TMEM196: variants seen among roughly 807,000 people sequenced by gnomAD.
The protein encoded by TMEM196 is transmembrane protein 196.
A neutral mutation model predicts 20.0 loss-of-function variants in TMEM196; 17 were observed. That is an observed-to-expected ratio of 0.85 (90% CI 0.58 to 1.27). The LOEUF is 1.27. Ranked by LOEUF, TMEM196 falls within the 50% of genes most tolerant of loss-of-function variation. TMEM196 has a pLI of 0.00. For missense variants in TMEM196, 267 were observed against 223.0 expected (o/e 1.20, Z -1.26); for synonymous variants, 113 against 88.9 (o/e 1.27, Z -1.52).
intron 1 of TMEM196, among the ~76,000 whole-genome samples, chr7:19,752,719 ATT>A (rs1785038095): frequency 6.6e-6 from 1 of 151,778 alleles, no homozygotes; most frequent in South Asian, 2.1e-4. Context: ...GATTCAAGCG[ATT>A]CTCCTGCCTC....
chr7:19,736,353 C>CTA (rs71017071), intron 1 of TMEM196, among the ~76,000 whole-genome samples: 2,093 of 36,550 alleles, frequency 0.057, 93 homozygotes, highest in African/African-American at 0.067. Flanking sequence ...GTGGTTCCTA[C>CTA]TATATATATA....
At chr7:19,761,235 A>G (rs1785423346) in intron 1 of TMEM196, among the ~76,000 whole-genome samples, 1 of 152,166 alleles carries the variant, frequency 6.6e-6, no homozygotes, top group Admixed American at 6.5e-5. Context: ...CCATCTTCCT[A>G]TTTATATTTC....
At chr7:19,747,079 C>T (rs1381104635) in intron 1 of TMEM196, among the ~76,000 whole-genome samples, 4 of 151,524 alleles carry the variant, frequency 2.6e-5, no homozygotes, top group Non-Finnish European at 5.9e-5. Flanking sequence ...AACGGTGAAA[C>T]CCCGTCTCTA....
intron 1 of TMEM196, among the ~76,000 whole-genome samples, chr7:19,763,453 C>T (rs1785507656): frequency 6.6e-6 from 1 of 152,116 alleles, no homozygotes; most frequent in Non-Finnish European, 1.5e-5. Context: ...TTTGGTAGAA[C>T]AAACAAAAAT....
At chr7:19,728,194 C>A (rs987620608) in intron 2 of TMEM196, among the ~76,000 whole-genome samples, 1 of 151,786 alleles carries the variant, frequency 6.6e-6, no homozygotes. Flanking sequence ...CCTCCTCTTT[C>A]TTTCTCTCTC....
chr7:19,755,072 G>A (rs1287738854), intron 1 of TMEM196, among the ~76,000 whole-genome samples: 2 of 152,160 alleles, frequency 1.3e-5, no homozygotes, highest in Non-Finnish European at 2.9e-5. Flanking sequence ...CATGGCAGGT[G>A]TTAATAAATG....
At chr7:19,748,145 T>C (rs1784828305) in intron 1 of TMEM196, among the ~76,000 whole-genome samples, 1 of 151,618 alleles carries the variant, frequency 6.6e-6, no homozygotes, top group African/African-American at 2.4e-5. Flanking sequence ...AATGCTATCC[T>C]GCATCTCCTA....
chr7:19,747,533 G>A (rs1419239333), intron 1 of TMEM196, among the ~76,000 whole-genome samples: 2 of 152,256 alleles, frequency 1.3e-5, no homozygotes, highest in Non-Finnish European at 2.9e-5. Flanking sequence ...TCATCTAAAT[G>A]AACCTCTATA....
At chr7:19,757,961 TA>T (rs1168710925) in intron 1 of TMEM196, among the ~76,000 whole-genome samples, 34 of 140,888 alleles carry the variant, frequency 2.4e-4, no homozygotes, top group Non-Finnish European at 2.8e-4. Flanking sequence ...TTTTTATATA[TA>T]TACTTTTTTT....
At position 19,725,713 on chromosome 7, in the gene TMEM196, A is replaced by G. The variant is rs1296486312; in HGVS notation, c.260T>C (p.Phe87Ser). ...ICGLIGGILN[F>S]QFLRAVTKKT... ...CTTTGTGACTGCCCGGAGGAACTGA[A>G]AATTCAGGATGCCCCCAATAAGTCC... Residue 87 changes from phenylalanine to serine, a missense_variant, in exon 3 of 5, where the codon TTT (phenylalanine) becomes TCT (serine). By Grantham distance (155) the Phe-to-Ser change is radical. Transcript: ENST00000405844. 2.5e-6 allele frequency: 4 copies of G among 1,613,336 alleles called. No individual in the cohort carries two copies. Among genetic ancestry groups the G allele is most frequent in the Non-Finnish European group, 3.4e-6 (4 of 1,179,346 alleles).
rs531120858 is a variant in TMEM196, at chr7:19,719,814, A to G, written c.*2314T>C. The G allele has an allele frequency of 1.3e-5, 2 of 152,248 alleles. No homozygotes were observed. The highest frequency in any genetic ancestry group is 2.1e-4 in the South Asian group (1 of 4,826). 9.4% of individuals were successfully genotyped at this position (152,248 alleles called of 1,614,324 possible). On this transcript the variant is annotated 3_prime_UTR_variant, in exon 5 of 5. Coordinates refer to ENST00000405844, the MANE Select transcript of TMEM196 (RefSeq NM_001363562.2). ...TAAAAATATATCTATACTTGGTTAA[A>G]CATACACTGTAAACTATTTGAATAA...
intron 1 of TMEM196, among the ~76,000 whole-genome samples, chr7:19,768,221 T>G (rs1785713747): frequency 6.6e-6 from 1 of 152,086 alleles, no homozygotes; most frequent in African/African-American, 2.4e-5. Flanking sequence ...AAATACTACC[T>G]CGTGGTTTAC....
chr7:19,750,538 G>A (rs1364303121), intron 1 of TMEM196, among the ~76,000 whole-genome samples: 1 of 152,044 alleles, frequency 6.6e-6, no homozygotes, highest in African/African-American at 2.4e-5. Flanking sequence ...TTAAGCTGGT[G>A]AAAAGTTGCT....
chr7:19,725,105 A>C (rs1783946070), intron 3 of TMEM196, among the ~76,000 whole-genome samples: 1 of 152,186 alleles, frequency 6.6e-6, no homozygotes, highest in African/African-American at 2.4e-5. Context: ...TTGAAGATCA[A>C]ATTTACATAA....
At chr7:19,724,380 T>C in intron 3 of TMEM196, 27 bp from the exon 4 acceptor site, 1 of 1,542,100 alleles carries the variant, frequency 6.5e-7, no homozygotes, top group Non-Finnish European at 8.8e-7. Flanking sequence ...AATCATACAA[T>C]AAATATTGCA....
chr7:19,764,362 C>A (rs1785543181), intron 1 of TMEM196, among the ~76,000 whole-genome samples: 1 of 152,142 alleles, frequency 6.6e-6, no homozygotes. Flanking sequence ...TCTTTCAGGA[C>A]CTTTTCAAGA....
At chr7:19,765,443 A>G (rs1023855284) in intron 1 of TMEM196, among the ~76,000 whole-genome samples, 2 of 152,176 alleles carry the variant, frequency 1.3e-5, no homozygotes, top group Admixed American at 6.6e-5. Flanking sequence ...TACATCATGT[A>G]ATAAACATGG....
chr7:19,721,817 C>A lies in TMEM196; in HGVS notation c.*311G>T, dbSNP rs1783823360. ...GCATTTTATTTCTGTTTTATTATCT[C>A]TTTTTCCTGAAAAGTCTTCTTTAGA... On this transcript the variant is annotated 3_prime_UTR_variant, in exon 5 of 5. Transcript: ENST00000405844. 5.4e-6 allele frequency: 2 copies of A among 371,548 alleles called. No individual in the cohort carries two copies. The highest frequency in any genetic ancestry group is 4.4e-5 in the South Asian group (1 of 22,928). 23.0% of individuals were successfully genotyped at this position (371,548 alleles called of 1,614,324 possible).
chr7:19,747,987 G>A (rs1028498907), intron 1 of TMEM196, among the ~76,000 whole-genome samples: 23 of 151,946 alleles, frequency 1.5e-4, no homozygotes, highest in African/African-American at 5.6e-4. Context: ...AATATTGATC[G>A]TTACCTCTAA....
Sources: gnomAD v4.1 joint callset for allele counts (sites outside exome capture counted in the v4.1 genomes callset) on GRCh38, gnomAD v4.1.1 for gene constraint, MANE v1.5 for transcripts, NCBI Gene and HGNC (gene_info 2026-07-23, HGNC 2026-07-21) for gene names.